CAPZB: variants seen among roughly 807,000 people sequenced by gnomAD.
CAPZB encodes F-actin-capping protein subunit beta.
Under a neutral mutation model 38.1 loss-of-function variants are expected in CAPZB, and 2 were observed. The ratio of observed to expected loss-of-function variants is 0.05; its 90% CI spans 0.02 to 0.17. CAPZB has a LOEUF of 0.17. CAPZB is among the 10% of genes least tolerant of loss of function. CAPZB has a pLI of 1.00. For synonymous variants in CAPZB, 107 were observed against 127.4 expected (o/e 0.84, Z 1.08); for missense variants, 161 against 334.2 (o/e 0.48, Z 4.04).
intron 1 of CAPZB, among the ~76,000 whole-genome samples, chr1:19,471,603 A>C (rs140486422): frequency 2.6e-5 from 4 of 151,856 alleles, no homozygotes; most frequent in Non-Finnish European, 5.9e-5. Flanking sequence ...TGTGGCTCAC[A>C]CCTGTAATCC....
chr1:19,437,956 T>C (rs894355398), intron 1 of CAPZB, among the ~76,000 whole-genome samples: 2 of 152,178 alleles, frequency 1.3e-5, no homozygotes, highest in African/African-American at 2.4e-5. Flanking sequence ...CAATTCGCTT[T>C]CCCCTTCTAA....
intron 1 of CAPZB, among the ~76,000 whole-genome samples, chr1:19,477,893 T>C (rs977312617): frequency 6.6e-6 from 1 of 152,216 alleles, no homozygotes; most frequent in Admixed American, 6.5e-5. Context: ...TTTAACTTTC[T>C]ATTTTAAGTT....
chr1:19,484,153 G>A (rs763707249), intron 1 of CAPZB: 49 of 1,596,012 alleles, frequency 3.1e-5, no homozygotes, highest in Non-Finnish European at 4.1e-5. Context: ...CAAACACCAC[G>A]AGCGGAGCCA....
rs146277262 is a variant in CAPZB, at chr1:19,420,698, C to T, written c.4-948G>A. On this transcript the variant is annotated intron_variant, in intron 1 of 8. Transcript: ENST00000264202. ...GAACTGCCTTGGCCTCCCAAAGTGC[C>T]GGGATTACAAGCATGAGCCATCGTG... Among the ~76,000 whole-genome samples, 966 of 152,062 alleles carry T rather than the reference C, an allele frequency of 6.4e-3. 7 individuals are homozygous for T. The highest frequency in any genetic ancestry group is 0.021 in the African/African-American group (870 of 41,478).
intron 8 of CAPZB, among the ~76,000 whole-genome samples, chr1:19,340,789 T>C (rs1181913689): frequency 1.3e-5 from 2 of 152,198 alleles, no homozygotes; most frequent in South Asian, 2.1e-4. Flanking sequence ...AATCATTTTG[T>C]CAAATTTACC....
At chr1:19,448,336 C>T (rs1053052472) in intron 1 of CAPZB, among the ~76,000 whole-genome samples, 5 of 152,210 alleles carry the variant, frequency 3.3e-5, no homozygotes, top group African/African-American at 1.2e-4. Flanking sequence ...CTCCCTTCCA[C>T]CCTTTCGGGA....
chr1:19,450,505 G>C (rs1419837105), intron 1 of CAPZB, among the ~76,000 whole-genome samples: 1 of 152,164 alleles, frequency 6.6e-6, no homozygotes, highest in Admixed American at 6.5e-5. Context: ...CATGTAAAAT[G>C]TGTCAACTCA....
At position 19,419,515 on chromosome 1, in the gene CAPZB, C is replaced by G. The variant is rs1288924841; in HGVS notation, c.93+146G>C. The G allele has an allele frequency of 5.0e-6, 3 of 600,262 alleles. No homozygotes were observed. In the East Asian group the frequency reaches 8.5e-5, roughly 17 times the overall value. 37.2% of individuals were successfully genotyped at this position (600,262 alleles called of 1,614,324 possible). On this transcript the variant is annotated intron_variant, in intron 2 of 8. Coordinates refer to ENST00000264202, the MANE Select transcript of CAPZB (RefSeq NM_004930.5). ...CATATGAAATCCATCTTCTCTCTGC[C>G]TGGAGGAATCTCATAGTCCAGTGGC...
intron 3 of CAPZB, among the ~76,000 whole-genome samples, chr1:19,379,087 T>A (rs1417713840): frequency 7.8e-6 from 1 of 128,210 alleles, no homozygotes; most frequent in African/African-American, 3.6e-5. Context: ...TCACCACCTA[T>A]TTTTTTTTCT....
rs13374565 is a variant in CAPZB at position 19,341,497 on chromosome 1, T to G, written c.732-1880A>C. ...ACACAGGAAGTTAGAAGTGAAATGG[T>G]GGAAGGCGGAAGGAGCAGGGGGCTT... On this transcript the variant is annotated intron_variant, in intron 8 of 8. Transcript: ENST00000264202. 7.4e-3 allele frequency among the ~76,000 whole-genome samples: 1,124 copies of G among 152,280 alleles called. 8 individuals are homozygous for G. Among genetic ancestry groups the G allele is most frequent in the African/African-American group, 0.025 (1,047 of 41,562 alleles).
At chr1:19,455,507 G>T (rs114372460) in intron 1 of CAPZB, among the ~76,000 whole-genome samples, 274 of 152,260 alleles carry the variant, frequency 1.8e-3, no homozygotes, top group South Asian at 3.5e-3. Context: ...CAACACACAT[G>T]GTCTGTCCTG....
chr1:19,483,307 G>A (rs575146693), intron 1 of CAPZB, among the ~76,000 whole-genome samples: 2 of 152,322 alleles, frequency 1.3e-5, no homozygotes, highest in East Asian at 3.9e-4. Context: ...TTGGTACAAT[G>A]GGAAGAACAG....
chr1:19,417,879 G>A (rs535963852), intron 2 of CAPZB, among the ~76,000 whole-genome samples: 4 of 152,108 alleles, frequency 2.6e-5, no homozygotes, highest in Non-Finnish European at 5.9e-5. Flanking sequence ...GCTCACGCCT[G>A]TAATCCCAGC....
At chr1:19,473,227 T>C (rs925845204) in intron 1 of CAPZB, among the ~76,000 whole-genome samples, 1 of 152,230 alleles carries the variant, frequency 6.6e-6, no homozygotes, top group Non-Finnish European at 1.5e-5. Context: ...TTTTAGAATC[T>C]GAAAGGAATG....
At chr1:19,442,096 G>A (rs912985856) in intron 1 of CAPZB, among the ~76,000 whole-genome samples, 8 of 151,512 alleles carry the variant, frequency 5.3e-5, no homozygotes, top group South Asian at 2.1e-4. Flanking sequence ...AAGATGAAGG[G>A]CTCTGTCATC....
At chr1:19,442,552 A>G (rs1488196788) in intron 1 of CAPZB, among the ~76,000 whole-genome samples, 1 of 152,176 alleles carries the variant, frequency 6.6e-6, no homozygotes, top group Non-Finnish European at 1.5e-5. Context: ...AGGCTCTTGC[A>G]AGCTTTAAGG....
chr1:19,460,113 GAACA>G (rs919642216), intron 1 of CAPZB, among the ~76,000 whole-genome samples: 4 of 152,306 alleles, frequency 2.6e-5, no homozygotes, highest in Admixed American at 6.5e-5. Context: ...TCTACAGTAA[GAACA>G]AACCTTCTAT....
At chr1:19,484,874 T>C (rs1195031835) in intron 1 of CAPZB, among the ~76,000 whole-genome samples, 1 of 151,288 alleles carries the variant, frequency 6.6e-6, no homozygotes, top group Non-Finnish European at 1.5e-5. Context: ...GAAGAGGAGA[T>C]TCAGGCTGAG....
intron 1 of CAPZB, among the ~76,000 whole-genome samples, chr1:19,441,109 C>G (rs1346106869): frequency 1.1e-4 from 16 of 152,188 alleles, no homozygotes; most frequent in African/African-American, 3.9e-4. Context: ...CTGCTAAAAC[C>G]TTATGCAGAA....
Sources: gnomAD v4.1 joint callset for allele counts (sites outside exome capture counted in the v4.1 genomes callset) on GRCh38, gnomAD v4.1.1 for gene constraint, MANE v1.5 for transcripts, NCBI Gene and HGNC (gene_info 2026-07-23, HGNC 2026-07-21) for gene names.